Variants in VSNL1 observed in about 807,000 individuals in gnomAD.
VSNL1 encodes visinin like 1, also known as visinin-like protein 1.
Under a neutral mutation model 20.4 loss-of-function variants are expected in VSNL1, and 6 were observed. The ratio of observed to expected loss-of-function variants is 0.29; its 90% CI spans 0.16 to 0.58. The LOEUF (loss-of-function observed/expected upper bound fraction) is 0.58. Ranked by LOEUF, VSNL1 falls within the 20% of genes least tolerant of loss-of-function variation. The pLI, the probability that VSNL1 is intolerant of heterozygous loss-of-function variation, is 0.90. For synonymous variants in VSNL1, 93 were observed against 86.4 expected, an observed-to-expected ratio of 1.08 and a Z score of -0.42; for missense variants, 100 against 234.5, an observed-to-expected ratio of 0.43 and a Z score of 3.75.
chr2:17,629,842 C>G (rs1665592460), intron 2 of VSNL1, among the ~76,000 whole-genome samples: 1 of 152,224 alleles, frequency 6.6e-6, no homozygotes, highest in Non-Finnish European at 1.5e-5. Context: ...AAACAGCTCT[C>G]AGCTGAGAGG....
At chr2:17,583,454 T>G (rs1203714484) in intron 1 of VSNL1, among the ~76,000 whole-genome samples, 1 of 152,220 alleles carries the variant, frequency 6.6e-6, no homozygotes, top group Non-Finnish European at 1.5e-5. Context: ...CAGAACTAAG[T>G]GAGGTTCTAA....
At chr2:17,641,796 T>C (rs1665888193) in intron 2 of VSNL1, among the ~76,000 whole-genome samples, 1 of 152,094 alleles carries the variant, frequency 6.6e-6, no homozygotes, top group Non-Finnish European at 1.5e-5. Context: ...AGACATAGAC[T>C]TATGCATAGA....
At chr2:17,560,795 T>G (rs1327876416) in intron 1 of VSNL1, among the ~76,000 whole-genome samples, 1 of 152,194 alleles carries the variant, frequency 6.6e-6, no homozygotes, top group African/African-American at 2.4e-5. Context: ...ACATAGAAAT[T>G]TGCCATATAT....
At chr2:17,614,071 G>T (rs560814746) in intron 2 of VSNL1, among the ~76,000 whole-genome samples, 1 of 152,196 alleles carries the variant, frequency 6.6e-6, no homozygotes, top group South Asian at 2.1e-4. Context: ...TCAGATTTGA[G>T]TGGGGCTCTG....
At chr2:17,613,991 G>A (rs1665152538) in intron 2 of VSNL1, among the ~76,000 whole-genome samples, 1 of 152,206 alleles carries the variant, frequency 6.6e-6, no homozygotes, top group Non-Finnish European at 1.5e-5. Context: ...CAGGAAGGTT[G>A]GGGAAATGAG....
At chr2:17,602,863 A>G (rs896986277) in intron 2 of VSNL1, among the ~76,000 whole-genome samples, 4 of 152,212 alleles carry the variant, frequency 2.6e-5, no homozygotes, top group Non-Finnish European at 5.9e-5. Context: ...TCAACAAACA[A>G]CTATAGAATG....
At chr2:17,637,402 C>G (rs528348807) in intron 2 of VSNL1, among the ~76,000 whole-genome samples, 8 of 152,232 alleles carry the variant, frequency 5.3e-5, no homozygotes, top group African/African-American at 1.7e-4. Flanking sequence ...CTTGCTCCCC[C>G]TTAGGCAGGC....
chr2:17,655,455 T>TCACACACACACA lies in VSNL1; in HGVS notation c.*96_*107dup, dbSNP rs3064980. 1,556 of 537,314 alleles carry TCACACACACACA rather than the reference T, an allele frequency of 2.9e-3. 7 individuals are homozygous for TCACACACACACA. The highest frequency in any genetic ancestry group is 0.015 in the African/African-American group (747 of 50,072). The allele number at this position is 537,314 out of a possible 1,614,324, so 33.3% of individuals were successfully genotyped here. On this transcript the variant is annotated 3_prime_UTR_variant, in exon 4 of 4. Transcript: ENST00000295156. The surrounding 1 kb of genome is among the most constrained non-coding windows in gnomAD (Gnocchi z 5.2). ...AATGTTCCATTCAGTCTGCAGCTAT[T>TCACACACACACA]CACACACACACACACACACACACAC...
At chr2:17,560,061 T>A (rs114345998) in intron 1 of VSNL1, among the ~76,000 whole-genome samples, 4,446 of 151,742 alleles carry the variant, frequency 0.029, 64 homozygotes, top group Middle Eastern at 0.054. Context: ...TTAGAAAAAA[T>A]GTTCTATGTT....
intron 2 of VSNL1, among the ~76,000 whole-genome samples, chr2:17,633,216 T>C (rs1164119803): frequency 6.6e-6 from 1 of 151,918 alleles, no homozygotes; most frequent in Non-Finnish European, 1.5e-5. Context: ...TTCACTATCA[T>C]GAGAACAGTG....
At chr2:17,606,169 C>A (rs903493728) in intron 2 of VSNL1, among the ~76,000 whole-genome samples, 1 of 152,178 alleles carries the variant, frequency 6.6e-6, no homozygotes, top group Non-Finnish European at 1.5e-5. Context: ...TGATGGAGAT[C>A]TCAGGTGATC....
At chr2:17,627,117 C>A (rs779414260) in intron 2 of VSNL1, among the ~76,000 whole-genome samples, 20 of 152,242 alleles carry the variant, frequency 1.3e-4, no homozygotes, top group African/African-American at 4.1e-4. Flanking sequence ...ACACCACATA[C>A]CCCCATCTCA....
chr2:17,563,776 G>A (rs1663872137), intron 1 of VSNL1, among the ~76,000 whole-genome samples: 1 of 151,940 alleles, frequency 6.6e-6, no homozygotes, highest in African/African-American at 2.4e-5. Context: ...ATTAGATAAT[G>A]ATCATGAATC....
chr2:17,584,924 A>G (rs1387165093), intron 1 of VSNL1, among the ~76,000 whole-genome samples: 4 of 152,108 alleles, frequency 2.6e-5, no homozygotes, highest in South Asian at 4.1e-4. Flanking sequence ...GGATCAGATG[A>G]TTGATCCCTG....
intron 1 of VSNL1, among the ~76,000 whole-genome samples, chr2:17,559,065 G>A (rs1663751583): frequency 6.6e-6 from 1 of 151,994 alleles, no homozygotes; most frequent in African/African-American, 2.4e-5. Flanking sequence ...GTCCTTAGCA[G>A]GTGGCTTGCA....
intron 1 of VSNL1, among the ~76,000 whole-genome samples, chr2:17,569,667 C>A (rs1357669874): frequency 6.6e-6 from 1 of 152,132 alleles, no homozygotes; most frequent in Non-Finnish European, 1.5e-5. Flanking sequence ...CTTTCCTCTT[C>A]ATCTGTGTCT....
At chr2:17,622,116 C>A (rs1217741886) in intron 2 of VSNL1, among the ~76,000 whole-genome samples, 1 of 151,672 alleles carries the variant, frequency 6.6e-6, no homozygotes, top group East Asian at 1.9e-4. Flanking sequence ...TCACAGACAT[C>A]AAATCCAGAG....
chr2:17,655,109 G>A lies in VSNL1; in HGVS notation c.379-88G>A, dbSNP rs1558314168. On this transcript the variant is annotated intron_variant, in intron 3 of 3. Coordinates refer to ENST00000295156, the MANE Select transcript of VSNL1 (RefSeq NM_003385.5). The surrounding 1 kb of genome is among the most constrained non-coding windows in gnomAD (Gnocchi z 5.2). ...GAAGCTGAGGCTTGGAGGATGGGTG[G>A]GATCCCGTCAGGTGAAAGGGAGGCA... is the stretch of plus-strand genomic sequence containing the variant. 1 of 1,353,752 alleles carries A rather than the reference G, an allele frequency of 7.4e-7. No homozygotes were observed. Among genetic ancestry groups the A allele is most frequent in the Non-Finnish European group, 1.0e-6 (1 of 969,666 alleles). The allele number at this position is 1,353,752 out of a possible 1,614,324, so 83.9% of individuals were successfully genotyped here.
At chr2:17,577,602 G>A (rs1372442534) in intron 1 of VSNL1, among the ~76,000 whole-genome samples, 1 of 152,014 alleles carries the variant, frequency 6.6e-6, no homozygotes, top group African/African-American at 2.4e-5. Context: ...TGTTTCTCCA[G>A]GCTAAACATT....
Sources: allele counts gnomAD v4.1 joint callset (sites outside exome capture counted in the v4.1 genomes callset), GRCh38; gene constraint gnomAD v4.1.1; non-coding constraint Gnocchi (gnomAD v3.1); transcripts MANE v1.5; gene names NCBI Gene and HGNC (gene_info 2026-07-23, HGNC 2026-07-21).